Variants in STPG2 observed in about 807,000 individuals in gnomAD.
STPG2 encodes the protein sperm tail PG-rich repeat containing 2, also known as sperm-tail PG-rich repeat-containing protein 2.
A neutral mutation model predicts 54.2 loss-of-function variants in STPG2; 56 were observed. That is an observed-to-expected ratio of 1.03 (90% CI 0.83 to 1.29). The LOEUF is 1.29. Among genes scored for constraint, STPG2 ranks in the 50% most tolerant of loss-of-function variants. The probability of loss-of-function intolerance (pLI) is 0.00; values close to 1 mark genes in which losing one functional copy is unlikely to be tolerated. For synonymous variants in STPG2, 200 were observed against 181.8 expected (o/e 1.10, Z -0.81); for missense variants, 596 against 544.9 (o/e 1.09, Z -0.93).
chr4:97,568,124 C>T (rs1732502314), intron 10 of STPG2, among the ~76,000 whole-genome samples: 1 of 151,958 alleles, frequency 6.6e-6, no homozygotes, highest in African/African-American at 2.4e-5. Context: ...GAGGGAAAAA[C>T]AAAAACATAA....
At chr4:97,746,145 G>T (rs1382183088) in intron 9 of STPG2, among the ~76,000 whole-genome samples, 1 of 151,198 alleles carries the variant, frequency 6.6e-6, no homozygotes, top group Non-Finnish European at 1.5e-5. Context: ...GAAACACACA[G>T]ATTCATAAGA....
At chr4:98,117,883 TA>T (rs1245835653) in intron 3 of STPG2, among the ~76,000 whole-genome samples, 1 of 152,146 alleles carries the variant, frequency 6.6e-6, no homozygotes, top group East Asian at 1.9e-4. Context: ...TGAACATATT[TA>T]AAATAGCTAA....
At chr4:97,862,416 C>T (rs1255363202) in intron 8 of STPG2, among the ~76,000 whole-genome samples, 5 of 151,988 alleles carry the variant, frequency 3.3e-5, no homozygotes, top group Non-Finnish European at 7.4e-5. Context: ...TATATATGCA[C>T]CCAATACAAG....
intron 4 of STPG2, among the ~76,000 whole-genome samples, chr4:97,509,704 G>GTTTTTTTT: frequency 6.6e-6 from 1 of 151,976 alleles, no homozygotes; most frequent in African/African-American, 2.4e-5. Context: ...ATACTGACAA[G>GTTTTTTTT]GCTTTCTCTA....
chr4:97,649,273 A>ATGCT (rs1211209998), intron 10 of STPG2, among the ~76,000 whole-genome samples: 1 of 152,128 alleles, frequency 6.6e-6, no homozygotes, highest in African/African-American at 2.4e-5. Flanking sequence ...TCCAGGTTAA[A>ATGCT]TGCTTCAAGA....
At chr4:97,703,303 C>T (rs939814476) in intron 10 of STPG2, among the ~76,000 whole-genome samples, 2 of 150,632 alleles carry the variant, frequency 1.3e-5, no homozygotes, top group Admixed American at 6.7e-5. Flanking sequence ...CAAAAGAACT[C>T]GATCCTTAAT....
intron 1 of STPG2, among the ~76,000 whole-genome samples, chr4:98,142,358 T>G (rs1318206507): frequency 6.6e-6 from 1 of 152,076 alleles, no homozygotes; most frequent in Non-Finnish European, 1.5e-5. Flanking sequence ...CTCCAGAAAA[T>G]CACCAGAATA....
chr4:98,053,909 C>T (rs1267782143), intron 5 of STPG2, among the ~76,000 whole-genome samples: 1 of 152,114 alleles, frequency 6.6e-6, no homozygotes, highest in African/African-American at 2.4e-5. Flanking sequence ...AAATAAACTA[C>T]TAAAGACTTT....
chr4:97,824,750 CCTT>C (rs1015782052), intron 9 of STPG2, among the ~76,000 whole-genome samples: 77 of 152,166 alleles, frequency 5.1e-4, no homozygotes, highest in African/African-American at 1.8e-3. Context: ...GCTCTAGACT[CCTT>C]CTGGGAAGAG....
chr4:97,454,849 T>G (rs1379662642), intron 4 of STPG2, among the ~76,000 whole-genome samples: 2 of 152,240 alleles, frequency 1.3e-5, no homozygotes, highest in South Asian at 4.1e-4. Context: ...CTAGAAAGAA[T>G]TCCTGACAAT....
chr4:97,888,494 C>G (rs1054190317), intron 8 of STPG2, among the ~76,000 whole-genome samples: 2 of 152,196 alleles, frequency 1.3e-5, no homozygotes, highest in Admixed American at 6.5e-5. Context: ...CAGATTTGTA[C>G]AGGGCCTGTA....
intron 10 of STPG2, among the ~76,000 whole-genome samples, chr4:97,667,436 G>T (rs1320920926): frequency 6.6e-6 from 1 of 152,164 alleles, no homozygotes; most frequent in Non-Finnish European, 1.5e-5. Context: ...AGTAAGACTT[G>T]AGGTTAAAAC....
At chr4:97,510,620 G>A (rs1457054965) in intron 4 of STPG2, among the ~76,000 whole-genome samples, 1 of 151,988 alleles carries the variant, frequency 6.6e-6, no homozygotes, top group Non-Finnish European at 1.5e-5. Context: ...ACTGGGGGTG[G>A]GAGAGATGGT....
chr4:97,538,440 C>T (rs980109002), intron 4 of STPG2, among the ~76,000 whole-genome samples: 1 of 152,100 alleles, frequency 6.6e-6, no homozygotes, highest in Non-Finnish European at 1.5e-5. Flanking sequence ...GAAAGGATAT[C>T]AGGGATCGAA....
chr4:97,737,059 A>G (rs926279808), intron 9 of STPG2, among the ~76,000 whole-genome samples: 25 of 152,140 alleles, frequency 1.6e-4, no homozygotes, highest in Non-Finnish European at 3.1e-4. Flanking sequence ...TCACAAAAAT[A>G]CGCTGTTCTG....
chr4:97,679,248 T>C lies in STPG2; in HGVS notation c.1320+33451A>G, dbSNP rs1273390838. On this transcript the variant is annotated intron_variant, in intron 10 of 10. Transcript: ENST00000295268. ...CTACTTTACAGTCCCACCAACAGTG[T>C]AAAAGTATTCCTATTTCTCCACATC... Among the ~76,000 whole-genome samples, 7 of 152,310 alleles carry C rather than the reference T, an allele frequency of 4.6e-5. No homozygotes were observed. The East Asian group carries it at 1.2e-3, about 25-fold the overall frequency.
intron 5 of STPG2, among the ~76,000 whole-genome samples, chr4:97,995,135 C>T (rs954879299): frequency 1.5e-4 from 23 of 151,920 alleles, no homozygotes; most frequent in African/African-American, 3.4e-4. Context: ...GCCTGCACCC[C>T]GAAAGGCCAG....
chr4:97,881,947 T>C (rs1300964364), intron 8 of STPG2, among the ~76,000 whole-genome samples: 1 of 152,142 alleles, frequency 6.6e-6, no homozygotes, highest in Admixed American at 6.6e-5. Flanking sequence ...CAAAATCTAA[T>C]TGACTTTTCT....
chr4:97,778,118 C>T (rs961981514), intron 9 of STPG2, among the ~76,000 whole-genome samples: 2 of 152,106 alleles, frequency 1.3e-5, no homozygotes, highest in African/African-American at 2.4e-5. Context: ...GGTGAGGCAT[C>T]GACTCACCTG....
Sources: gnomAD v4.1 joint callset for allele counts (sites outside exome capture counted in the v4.1 genomes callset) on GRCh38, gnomAD v4.1.1 for gene constraint, MANE v1.5 for transcripts, NCBI Gene and HGNC (gene_info 2026-07-23, HGNC 2026-07-21) for gene names.